Variants in OCA2 observed in about 807,000 individuals in gnomAD.
OCA2 encodes OCA2 melanosomal transmembrane protein.
Under a neutral mutation model 100.2 loss-of-function variants are expected in OCA2, and 77 were observed. The ratio of observed to expected loss-of-function variants is 0.77; its 90% confidence interval spans 0.64 to 0.93. OCA2 has a LOEUF of 0.93. OCA2 is among the 40% of genes least tolerant of loss of function. The probability of loss-of-function intolerance (pLI) is 0.00; values close to 1 mark genes in which losing one functional copy is unlikely to be tolerated. For synonymous variants in OCA2, 432 were observed against 439.2 expected (o/e 0.98, Z 0.21); for missense variants, 1,062 against 1,089.1 (o/e 0.98, Z 0.35).
chr15:27,783,126 A>T (rs562115633), intron 23 of OCA2, among the ~76,000 whole-genome samples: 1 of 152,352 alleles, frequency 6.6e-6, no homozygotes, highest in African/African-American at 2.4e-5. Context: ...CATTAAGAAG[A>T]CATTGTTCAA....
intron 14 of OCA2, among the ~76,000 whole-genome samples, chr15:27,979,145 C>T (rs2041064311): frequency 6.6e-6 from 1 of 152,188 alleles, no homozygotes; most frequent in African/African-American, 2.4e-5. Flanking sequence ...CATGAGCTAT[C>T]CAGCACTTTA....
chr15:27,771,402 AAATACAGCCGCGCACGG>A (rs2031846369), intron 23 of OCA2, among the ~76,000 whole-genome samples: 1 of 150,364 alleles, frequency 6.7e-6, no homozygotes, highest in Admixed American at 6.6e-5. Context: ...AAAAAAAAAA[AAATACAGCCGCGCACGG>A]AAATCAATGG....
intron 7 of OCA2, among the ~76,000 whole-genome samples, chr15:28,016,798 T>C (rs1383769290): frequency 6.6e-6 from 1 of 152,084 alleles, no homozygotes; most frequent in Non-Finnish European, 1.5e-5. Context: ...TTTTCTAATA[T>C]AAATTTTTTT....
chr15:28,026,615 C>T (rs1188070739), intron 4 of OCA2, among the ~76,000 whole-genome samples: 1 of 152,208 alleles, frequency 6.6e-6, no homozygotes, highest in Non-Finnish European at 1.5e-5. Context: ...CTTGGCTTGG[C>T]TCAGTGTGGC....
intron 2 of OCA2, among the ~76,000 whole-genome samples, chr15:28,064,737 G>T (rs1422545576): frequency 6.6e-6 from 1 of 151,284 alleles, no homozygotes; most frequent in East Asian, 1.9e-4. Flanking sequence ...ATTTAAGATA[G>T]ATGTTTTAAA....
intron 14 of OCA2, among the ~76,000 whole-genome samples, chr15:27,974,634 G>A (rs537688869): frequency 7.8e-4 from 119 of 152,262 alleles, no homozygotes; most frequent in Non-Finnish European, 1.3e-3. Flanking sequence ...CAGGCGTGGT[G>A]GTATGCACCT....
intron 23 of OCA2, among the ~76,000 whole-genome samples, chr15:27,839,777 T>C (rs957903568): frequency 6.6e-6 from 1 of 152,206 alleles, no homozygotes; most frequent in Non-Finnish European, 1.5e-5. Flanking sequence ...TAAGTAAGGA[T>C]ATAAATGACC....
At chr15:27,861,786 C>T (rs1349226379) in intron 21 of OCA2, among the ~76,000 whole-genome samples, 1 of 152,132 alleles carries the variant, frequency 6.6e-6, no homozygotes, top group Non-Finnish European at 1.5e-5. Context: ...TGTCTGGCTA[C>T]AGGAAACTGA....
chr15:27,759,067 G>A (rs1338346970), intron 23 of OCA2, among the ~76,000 whole-genome samples: 1 of 152,136 alleles, frequency 6.6e-6, no homozygotes, highest in Admixed American at 6.6e-5. Context: ...CTTGAAAGCA[G>A]TCAGAGATAA....
At chr15:27,782,143 A>G (rs986178402) in intron 23 of OCA2, among the ~76,000 whole-genome samples, 8 of 152,220 alleles carry the variant, frequency 5.3e-5, no homozygotes, top group African/African-American at 1.7e-4. Context: ...AAATGTTCGT[A>G]TGTATATAAT....
chr15:27,763,165 CAA>C (rs916106100), intron 23 of OCA2, among the ~76,000 whole-genome samples: 1 of 151,780 alleles, frequency 6.6e-6, no homozygotes, highest in African/African-American at 2.4e-5. Context: ...TGTAAAACTA[CAA>C]AACATTTAGA....
chr15:27,908,221 A>G (rs536549953), intron 19 of OCA2, among the ~76,000 whole-genome samples: 2 of 152,296 alleles, frequency 1.3e-5, no homozygotes, highest in East Asian at 1.9e-4. Flanking sequence ...GGTTGGTTCA[A>G]TATTAGGAAA....
Position 27,926,202 on chromosome 15 carries a change from A to G in OCA2, c.2004T>C (p.His668=). ...AIWLLILADI[H]DFEIILHRVE... ...CTCTGTGTAGAATTATCTCAAAATC[A>G]TGAATATCAGCTAAAATTAGCAACC... Residue 668 remains histidine (H), a synonymous_variant, in exon 19 of 24, where the codon CAT becomes CAC. Transcript: ENST00000354638. The G allele has an allele frequency of 1.2e-6, 2 of 1,614,126 alleles. No individual in the cohort carries two copies. Among genetic ancestry groups the G allele is most frequent in the Non-Finnish European group, 1.7e-6 (2 of 1,179,970 alleles).
intron 15 of OCA2, among the ~76,000 whole-genome samples, chr15:27,965,078 T>A (rs1268183545): frequency 1.3e-5 from 2 of 152,142 alleles, no homozygotes; most frequent in African/African-American, 4.8e-5. Context: ...AATCTGCATA[T>A]ACAACAATTG....
At chr15:28,079,604 C>T (rs184110588) in intron 2 of OCA2, among the ~76,000 whole-genome samples, 32 of 152,296 alleles carry the variant, frequency 2.1e-4, no homozygotes, top group Non-Finnish European at 4.3e-4. Context: ...AGAGCTGCCC[C>T]TTGAGGCTGC....
chr15:27,720,707 G>C, the OCA2 span, among the ~76,000 whole-genome samples: 5 of 152,102 alleles, frequency 3.3e-5, no homozygotes, highest in Admixed American at 6.5e-5. Context: ...TGACAGACCT[G>C]TTTGCTATCT....
chr15:27,953,575 A>G (rs1382509548), intron 17 of OCA2, among the ~76,000 whole-genome samples: 1 of 152,204 alleles, frequency 6.6e-6, no homozygotes. Flanking sequence ...CTGAGGTCGC[A>G]GCAACCACAG....
At chr15:27,806,283 G>T (rs139361054) in intron 23 of OCA2, among the ~76,000 whole-genome samples, 2 of 152,204 alleles carry the variant, frequency 1.3e-5, no homozygotes, top group Non-Finnish European at 2.9e-5. Flanking sequence ...GAAAATAGTT[G>T]TTTTTCATTG....
chr15:27,967,455 C>G (rs1431430371), intron 14 of OCA2, among the ~76,000 whole-genome samples: 1 of 152,210 alleles, frequency 6.6e-6, no homozygotes, highest in East Asian at 1.9e-4. Flanking sequence ...ATCTTCACCA[C>G]TAGATTGATG....
Sources: gnomAD v4.1 joint callset for allele counts (sites outside exome capture counted in the v4.1 genomes callset) on GRCh38, gnomAD v4.1.1 for gene constraint, MANE v1.5 for transcripts, NCBI Gene and HGNC (gene_info 2026-07-23, HGNC 2026-07-21) for gene names.